The following TEX9 variants were observed in gnomAD, a reference collection of about 807,000 sequenced individuals.
The protein encoded by TEX9 is testis-expressed protein 9.
TEX9 carries 74 observed loss-of-function variants against 59.6 expected under a neutral mutation model. That is an observed-to-expected ratio of 1.24 (90% confidence interval 1.03 to 1.51). TEX9 has a LOEUF of 1.51. TEX9 is among the 40% of genes most tolerant of loss of function. The probability of loss-of-function intolerance (pLI) is 0.00; values close to 1 mark genes in which losing one functional copy is unlikely to be tolerated. For missense variants in TEX9, 522 were observed against 447.8 expected, an observed-to-expected ratio of 1.17 and a Z score of -1.49; for synonymous variants, 186 against 152.2, an observed-to-expected ratio of 1.22 and a Z score of -1.64.
At chr15:56,421,119 A>G (rs1156246809) in intron 10 of TEX9, among the ~76,000 whole-genome samples, 1 of 151,818 alleles carries the variant, frequency 6.6e-6, no homozygotes, top group Admixed American at 6.6e-5. Context: ...TCCCTGTTCT[A>G]TCAATGATCA....
At chr15:56,373,140 G>C (rs923167308) in intron 2 of TEX9, among the ~76,000 whole-genome samples, 1 of 152,142 alleles carries the variant, frequency 6.6e-6, no homozygotes, top group Non-Finnish European at 1.5e-5. Flanking sequence ...GTGGTGAGTG[G>C]AACAGAGTTG....
chr15:56,374,152 A>C lies in TEX9; in HGVS notation c.183+648A>C, dbSNP rs536568154. 19 of 152,150 alleles carry C rather than the reference A, an allele frequency of 1.2e-4. 1 individual carries two copies. The South Asian group carries it at 3.9e-3, about 32-fold the overall frequency. The allele number at this position is 152,150 out of a possible 1,614,324, so 9.4% of individuals were successfully genotyped here. The stretch of plus-strand genomic sequence containing the variant: ...TACAAATATTTTTATTTCATCTTTT[A>C]GTTTTTGCCAGTGTCTGAAAAGCAG... On this transcript the variant is annotated intron_variant, in intron 3 of 12. Coordinates refer to ENST00000352903, the Ensembl canonical transcript of TEX9.
rs1287504751 is a variant in TEX9, at chr15:56,403,367, A to G, written c.828+8533A>G. On this transcript the variant is annotated intron_variant, in intron 9 of 12. Coordinates refer to ENST00000352903, the Ensembl canonical transcript of TEX9. ...CAGACACACAGCCAAATCATGAGTG[A>G]ACTCCCATTCACAATTGCTACAAAG... Among the ~76,000 whole-genome samples the G allele has an allele frequency of 7.2e-5, 11 of 152,354 alleles. No homozygotes were observed. In the South Asian group the frequency reaches 1.9e-3, roughly 26 times the overall value.
intron 1 of TEX9, among the ~76,000 whole-genome samples, chr15:56,272,633 T>C (rs1327324965): frequency 1.3e-5 from 2 of 152,146 alleles, no homozygotes; most frequent in Non-Finnish European, 1.5e-5. Context: ...TACATAGGAG[T>C]AGAACGGCTG....
intron 1 of TEX9, among the ~76,000 whole-genome samples, chr15:56,352,302 T>C (rs1596110542): frequency 1.3e-5 from 2 of 152,234 alleles, no homozygotes; most frequent in African/African-American, 4.8e-5. Flanking sequence ...TGGAGTGCAA[T>C]GGCGCGATCT....
At chr15:56,281,146 G>A (rs1393363379) in intron 1 of TEX9, among the ~76,000 whole-genome samples, 2 of 152,144 alleles carry the variant, frequency 1.3e-5, no homozygotes, top group Non-Finnish European at 2.9e-5. Flanking sequence ...TGAATATAAG[G>A]GTTCCTATAT....
upstream of TEX9, among the ~76,000 whole-genome samples, chr15:56,362,553 T>G (rs1259431436): frequency 1.3e-5 from 2 of 152,242 alleles, no homozygotes; most frequent in Non-Finnish European, 2.9e-5. Context: ...TTTAACAGCT[T>G]GAGTGATTTA....
intron 1 of TEX9, among the ~76,000 whole-genome samples, chr15:56,327,648 C>A (rs1485709364): frequency 6.6e-6 from 1 of 152,162 alleles, no homozygotes; most frequent in Non-Finnish European, 1.5e-5. Flanking sequence ...TCCCCCATGC[C>A]ATCACAGCAG....
chr15:56,404,350 A>G (rs2048962373), intron 9 of TEX9, among the ~76,000 whole-genome samples: 1 of 152,246 alleles, frequency 6.6e-6, no homozygotes, highest in South Asian at 2.1e-4. Flanking sequence ...TCTCAAAAGA[A>G]GACATTTATG....
downstream of TEX9, chr15:56,446,959 AAAAC>A (rs1465703633): frequency 6.4e-7 from 1 of 1,567,970 alleles, no homozygotes; most frequent in Non-Finnish European, 8.7e-7. Context: ...TAAAAAAACA[AAAAC>A]AAATTTAAAT....
At chr15:56,427,811 C>CTTTAGGTATGTT (rs1171684431) in intron 11 of TEX9, 72 bp downstream of exon 11, 70 of 1,223,876 alleles carry the variant, frequency 5.7e-5, no homozygotes, top group Non-Finnish European at 7.5e-5. Context: ...GCATTTTTCA[C>CTTTAGGTATGTT]TTTAGGTATG....
intron 1 of TEX9, among the ~76,000 whole-genome samples, chr15:56,284,728 T>G (rs1438438576): frequency 6.6e-6 from 1 of 152,106 alleles, no homozygotes; most frequent in African/African-American, 2.4e-5. Flanking sequence ...TATTTCACTT[T>G]CTAAATATAT....
chr15:56,433,912 G>C (rs1479422802), intron 12 of TEX9, among the ~76,000 whole-genome samples: 1 of 152,024 alleles, frequency 6.6e-6, no homozygotes, highest in Non-Finnish European at 1.5e-5. Flanking sequence ...CATGGACTTA[G>C]TTTTATTTAC....
At chr15:56,329,579 T>G (rs1272225938) in intron 1 of TEX9, among the ~76,000 whole-genome samples, 1 of 151,982 alleles carries the variant, frequency 6.6e-6, no homozygotes, top group Admixed American at 6.6e-5. Flanking sequence ...CCAGATAAAT[T>G]TAACAAAGAG....
intron 9 of TEX9, among the ~76,000 whole-genome samples, chr15:56,411,016 G>C (rs2049317375): frequency 6.6e-6 from 1 of 152,144 alleles, no homozygotes; most frequent in Non-Finnish European, 1.5e-5. Context: ...ATTACTCAGA[G>C]CCAGGGAGAC....
At chr15:56,361,420 GTTT>G (rs1220421804), upstream of TEX9, among the ~76,000 whole-genome samples, 1 of 151,984 alleles carries the variant, frequency 6.6e-6, no homozygotes, top group African/African-American at 2.4e-5. Context: ...AGTTCAAAAT[GTTT>G]TTTTAATTCC....
At chr15:56,342,168 T>C (rs2046384476) in intron 1 of TEX9, among the ~76,000 whole-genome samples, 1 of 152,190 alleles carries the variant, frequency 6.6e-6, no homozygotes, top group Admixed American at 6.5e-5. Flanking sequence ...TTGGTACTTC[T>C]CTTGTGGTCC....
intron 1 of TEX9, among the ~76,000 whole-genome samples, chr15:56,275,887 TCTAA>T (rs775160264): frequency 9.2e-5 from 14 of 152,166 alleles, no homozygotes; most frequent in African/African-American, 2.4e-4. Flanking sequence ...TCAAAGAGGT[TCTAA>T]CTGAGTATAG....
chr15:56,411,508 G>A (rs1328169263), intron 9 of TEX9, among the ~76,000 whole-genome samples: 5 of 152,132 alleles, frequency 3.3e-5, no homozygotes, highest in Non-Finnish European at 1.5e-5. Context: ...TGAGTCAGTA[G>A]GTGCTAGCTA....
Sources: gnomAD v4.1 joint callset for allele counts (sites outside exome capture counted in the v4.1 genomes callset) on GRCh38, gnomAD v4.1.1 for gene constraint, MANE v1.5 for transcripts, NCBI Gene and HGNC (gene_info 2026-07-23, HGNC 2026-07-21) for gene names.